Variants in SOX5 observed in about 807,000 individuals in gnomAD.
The protein encoded by SOX5 is transcription factor SOX-5.
Under a neutral mutation model 92.0 loss-of-function variants are expected in SOX5, and 9 were observed. The ratio of observed to expected loss-of-function variants is 0.10; its 90% CI spans 0.06 to 0.17. The LOEUF is 0.17. SOX5 is among the 10% of genes least tolerant of loss of function. The pLI, the probability that SOX5 is intolerant of heterozygous loss-of-function variation, is 1.00. For synonymous variants in SOX5, 344 were observed against 336.3 expected (o/e 1.02, Z -0.25); for missense variants, 642 against 944.5 (o/e 0.68, Z 4.20).
At chr12:23,880,396 C>T (rs1268970598) in intron 2 of SOX5, among the ~76,000 whole-genome samples, 1 of 152,112 alleles carries the variant, frequency 6.6e-6, no homozygotes, top group Non-Finnish European at 1.5e-5. Context: ...ATAGCACTTA[C>T]TGAGTAAGAA....
intron 3 of SOX5, among the ~76,000 whole-genome samples, chr12:23,769,211 G>A (rs2094840829): frequency 2.0e-5 from 3 of 152,112 alleles, no homozygotes; most frequent in Non-Finnish European, 4.4e-5. Flanking sequence ...AAATGAAGGT[G>A]TTTAAAAACT....
In SOX5 at chr12:23,809,591, A is replaced by G. The variant is rs2095840999; in HGVS notation, c.481+36392T>C. 2.7e-5 allele frequency among the ~76,000 whole-genome samples: 4 copies of G among 147,808 alleles called. No homozygotes were observed. In the East Asian group the frequency reaches 6.1e-4, roughly 23 times the overall value. On this transcript the variant is annotated intron_variant, in intron 3 of 14. Coordinates refer to ENST00000451604, the MANE Select transcript of SOX5 (RefSeq NM_006940.6). Reference sequence around the variant, plus strand: ...CTTAAAATCAATTTAAGAATCATCTATTTAGTTTTTGAAACATACTTTTTT... The same window carrying G: ...CTTAAAATCAATTTAAGAATCATCTGTTTAGTTTTTGAAACATACTTTTTT...
intron 4 of SOX5, among the ~76,000 whole-genome samples, chr12:24,134,066 AT>A (rs963754441): frequency 1.1e-3 from 163 of 149,564 alleles, no homozygotes; most frequent in African/African-American, 2.7e-3. Context: ...TGATGAGGTA[AT>A]TTTTTTTTTT....
At chr12:24,326,957 A>T (rs1950771232) in intron 2 of SOX5, among the ~76,000 whole-genome samples, 1 of 152,050 alleles carries the variant, frequency 6.6e-6, no homozygotes, top group African/African-American at 2.4e-5. Context: ...GAAAAGCAGG[A>T]GGTTTTGTGT....
chr12:23,560,414 A>G (rs1946004688), intron 11 of SOX5, among the ~76,000 whole-genome samples: 2 of 152,244 alleles, frequency 1.3e-5, no homozygotes. Flanking sequence ...TAATAAAAAG[A>G]TAAGTATTAG....
At chr12:24,511,729 T>A (rs368789162) in intron 1 of SOX5, among the ~76,000 whole-genome samples, 1 of 151,916 alleles carries the variant, frequency 6.6e-6, no homozygotes, top group Admixed American at 6.6e-5. Context: ...GAGGCTGAGG[T>A]GGGCGGATCA....
At chr12:23,971,155 C>T (rs1948286945) in intron 4 of SOX5, among the ~76,000 whole-genome samples, 2 of 93,112 alleles carry the variant, frequency 2.1e-5, no homozygotes, top group African/African-American at 4.8e-5. Flanking sequence ...GGGAGTCTTG[C>T]TCTGTCGCCC....
At chr12:23,983,061 C>A (rs1949734446) in intron 4 of SOX5, among the ~76,000 whole-genome samples, 1 of 151,676 alleles carries the variant, frequency 6.6e-6, no homozygotes, top group African/African-American at 2.4e-5. Context: ...GACAGCAACA[C>A]ACAGAAAATT....
intron 1 of SOX5, among the ~76,000 whole-genome samples, chr12:23,921,253 C>T (rs1938173025): frequency 6.6e-6 from 1 of 151,998 alleles, no homozygotes; most frequent in Non-Finnish European, 1.5e-5. Flanking sequence ...ATTTTTAAAA[C>T]CTCAAATTTC....
chr12:24,139,032 C>A (rs1009443233), intron 4 of SOX5, among the ~76,000 whole-genome samples: 4 of 152,188 alleles, frequency 2.6e-5, no homozygotes, highest in Non-Finnish European at 4.4e-5. Flanking sequence ...AAACACCAGA[C>A]AACAGGCATG....
At chr12:23,742,495 T>C (rs2093832990) in intron 4 of SOX5, among the ~76,000 whole-genome samples, 1 of 152,160 alleles carries the variant, frequency 6.6e-6, no homozygotes, top group Non-Finnish European at 1.5e-5. Flanking sequence ...ATGACTATTA[T>C]ATCCTAATAT....
chr12:23,900,520 A>T (rs1595493734), intron 1 of SOX5, among the ~76,000 whole-genome samples: 1 of 152,150 alleles, frequency 6.6e-6, no homozygotes, highest in East Asian at 1.9e-4. Context: ...TGCACATTGG[A>T]ATTACCTGGA....
In SOX5 at chr12:23,604,599, G is replaced by A. The variant is rs998774420; in HGVS notation, c.1018-66C>T. The A allele has an allele frequency of 2.7e-6, 4 of 1,467,892 alleles. No homozygotes were observed. In the African/African-American group the frequency reaches 5.6e-5, roughly 20 times the overall value. 90.9% of individuals were successfully genotyped at this position (1,467,892 alleles called of 1,614,324 possible). ...AATAATAAAATAAACGTACCATTCA[G>A]AAAGTACATATATTCAGATATGGTA... On this transcript the variant is annotated intron_variant, in intron 8 of 14. Transcript: ENST00000451604.
chr12:23,752,789 T>C (rs893115779), intron 4 of SOX5, among the ~76,000 whole-genome samples: 4 of 151,920 alleles, frequency 2.6e-5, no homozygotes, highest in Non-Finnish European at 5.9e-5. Context: ...AAACAAATAC[T>C]TCTTTTGGGC....
chr12:24,503,119 C>T (rs1380072511), intron 1 of SOX5, among the ~76,000 whole-genome samples: 5 of 152,186 alleles, frequency 3.3e-5, no homozygotes, highest in African/African-American at 1.2e-4. Context: ...ATGTTTATTT[C>T]CTAGTTTTGG....
chr12:24,409,728 T>C (rs1963715150), intron 1 of SOX5, among the ~76,000 whole-genome samples: 1 of 152,220 alleles, frequency 6.6e-6, no homozygotes, highest in Admixed American at 6.5e-5. Context: ...TATTTTAGCC[T>C]TTCTGCACTT....
At chr12:23,948,208 G>A (rs1944932693) in intron 1 of SOX5, among the ~76,000 whole-genome samples, 1 of 140,470 alleles carries the variant, frequency 7.1e-6, no homozygotes, top group African/African-American at 2.6e-5. Flanking sequence ...TAGTAAAGAT[G>A]CAATTTAATT....
chr12:24,441,714 A>C (rs1174215967), intron 1 of SOX5, among the ~76,000 whole-genome samples: 3 of 152,224 alleles, frequency 2.0e-5, no homozygotes, highest in African/African-American at 4.8e-5. Context: ...TGGGGGGAAA[A>C]AGAAATAATT....
At chr12:23,869,579 T>C (rs1343151955) in intron 2 of SOX5, among the ~76,000 whole-genome samples, 1 of 152,138 alleles carries the variant, frequency 6.6e-6, no homozygotes, top group East Asian at 1.9e-4. Context: ...ATTGGATGTG[T>C]GCCATGGTCC....
Sources: allele counts gnomAD v4.1 joint callset (sites outside exome capture counted in the v4.1 genomes callset), GRCh38; gene constraint gnomAD v4.1.1; transcripts MANE v1.5; gene names NCBI Gene and HGNC (gene_info 2026-07-23, HGNC 2026-07-21).